Variants in FANCL observed in about 807,000 individuals in gnomAD.
The protein encoded by FANCL is E3 ubiquitin-protein ligase FANCL.
Under a neutral mutation model 59.4 loss-of-function variants are expected in FANCL, and 69 were observed. That is an observed-to-expected ratio of 1.16 (90% CI 0.96 to 1.42). FANCL has a LOEUF of 1.42. FANCL is among the 40% of genes most tolerant of loss of function. The probability of loss-of-function intolerance (pLI) is 0.00; values close to 1 mark genes in which losing one functional copy is unlikely to be tolerated. For missense variants in FANCL, 519 were observed against 447.2 expected (o/e 1.16, Z -1.45); for synonymous variants, 180 against 147.1 (o/e 1.22, Z -1.62).
chr2:58,220,935 G>A (rs573066415), intron 5 of FANCL, among the ~76,000 whole-genome samples: 9 of 152,220 alleles, frequency 5.9e-5, no homozygotes, highest in South Asian at 2.1e-4. Context: ...AAGAATTGCC[G>A]GGCGTGGTGG....
rs1439301685 is a variant in FANCL, at chr2:58,222,061, C to G, written c.274-19G>C. The G allele has an allele frequency of 1.3e-6, 2 of 1,556,840 alleles. No individual in the cohort carries two copies. The highest frequency in any genetic ancestry group is 2.7e-5 in the African/African-American group (2 of 73,842). On this transcript the variant is annotated intron_variant, in intron 4 of 13. Coordinates refer to ENST00000233741, the MANE Select transcript of FANCL (RefSeq NM_018062.4). ...CAACTTCCTGTTTAAAAGAAGAAAA[C>G]CTGAATTAGCTGTGGAACGCAAGAC...
chr2:58,234,528 A>G (rs954976426), intron 1 of FANCL, among the ~76,000 whole-genome samples: 10 of 152,052 alleles, frequency 6.6e-5, no homozygotes, highest in African/African-American at 2.4e-4. Flanking sequence ...AAAAAAGTCC[A>G]GAGTACATAT....
chr2:58,164,629 A>C (rs1266272760), intron 8 of FANCL, among the ~76,000 whole-genome samples: 1 of 152,066 alleles, frequency 6.6e-6, no homozygotes, highest in Non-Finnish European at 1.5e-5. Flanking sequence ...AATGAATTAA[A>C]AACTAGACTA....
At chr2:58,206,743 G>A (rs934678553) in intron 5 of FANCL, among the ~76,000 whole-genome samples, 9 of 152,130 alleles carry the variant, frequency 5.9e-5, no homozygotes, top group Admixed American at 6.5e-5. Flanking sequence ...ATGGCCATGA[G>A]GTTGATTTTG....
At chr2:58,204,574 A>T (rs3821211) in intron 5 of FANCL, among the ~76,000 whole-genome samples, 6,048 of 152,124 alleles carry the variant, frequency 0.04, 162 homozygotes, top group Middle Eastern at 0.065. Context: ...ACTTCCTGTC[A>T]AACTCTTTGA....
intron 5 of FANCL, among the ~76,000 whole-genome samples, chr2:58,221,325 A>C (rs1692457413): frequency 6.6e-6 from 1 of 152,252 alleles, no homozygotes; most frequent in South Asian, 2.1e-4. Context: ...CTAAATTCAG[A>C]AACTGAATAG....
intron 5 of FANCL, among the ~76,000 whole-genome samples, chr2:58,207,347 G>A (rs974752546): frequency 3.9e-5 from 6 of 152,196 alleles, no homozygotes; most frequent in African/African-American, 1.4e-4. Context: ...CACCAGCCAC[G>A]TGTCTATGAG....
intron 7 of FANCL, among the ~76,000 whole-genome samples, chr2:58,180,280 T>C (rs112606329): frequency 1.2e-4 from 18 of 152,300 alleles, no homozygotes; most frequent in African/African-American, 4.3e-4. Flanking sequence ...CATATGTTTA[T>C]TCCAGCATTA....
chr2:58,229,866 C>T lies in FANCL; in HGVS notation c.164G>A (p.Cys55Tyr). The change falls in exon 3 of 14, where the codon TGT becomes TAT. Residue 55 changes from cysteine to tyrosine, a missense_variant. Coordinates refer to ENST00000233741, the MANE Select transcript of FANCL (RefSeq NM_018062.4). ...DLQLKNARLLCSWQLRTILSG... is the reference protein window; with the variant it reads ...DLQLKNARLLYSWQLRTILSG... ...AAGTATTGTTCTCAGCTGCCAACTACATAATAATCTAAAATTTTAATGAGA... is the reference window on the plus strand; with the variant it reads ...AAGTATTGTTCTCAGCTGCCAACTATATAATAATCTAAAATTTTAATGAGA... 1 of 1,608,650 alleles carries T rather than the reference C, an allele frequency of 6.2e-7. No homozygotes were observed. Among genetic ancestry groups the T allele is most frequent in the South Asian group, 1.1e-5 (1 of 90,958 alleles).
chr2:58,217,158 T>G (rs1316704766), intron 5 of FANCL, among the ~76,000 whole-genome samples: 1 of 76,880 alleles, frequency 1.3e-5, no homozygotes. Flanking sequence ...TATATATATT[T>G]ATATATTTTA....
chr2:58,172,130 A>G (rs1192155446), intron 7 of FANCL, among the ~76,000 whole-genome samples: 1 of 152,340 alleles, frequency 6.6e-6, no homozygotes, highest in African/African-American at 2.4e-5. Context: ...CCACAGCTCA[A>G]AGAGGCCTGC....
At chr2:58,166,213 T>C (rs549931661) in intron 7 of FANCL, among the ~76,000 whole-genome samples, 1 of 152,188 alleles carries the variant, frequency 6.6e-6, no homozygotes, top group African/African-American at 2.4e-5. Context: ...GTACATGATA[T>C]AGCTAACATT....
intron 7 of FANCL, among the ~76,000 whole-genome samples, chr2:58,170,343 T>A (rs929570704): frequency 1.3e-5 from 2 of 152,166 alleles, no homozygotes; most frequent in African/African-American, 2.4e-5. Context: ...TCCTGATAGA[T>A]CTTGTCACCA....
At chr2:58,226,610 T>G in intron 4 of FANCL, 118 bp downstream of exon 4, 1 of 771,354 alleles carries the variant, frequency 1.3e-6, no homozygotes, top group Non-Finnish European at 2.2e-6. Context: ...AAAGAAAACA[T>G]CAAATGACTG....
chr2:58,167,598 C>G (rs1386161779), intron 7 of FANCL, among the ~76,000 whole-genome samples: 1 of 152,110 alleles, frequency 6.6e-6, no homozygotes, highest in Non-Finnish European at 1.5e-5. Context: ...CAAATAAAAT[C>G]CTAATTGCAT....
Position 58,238,597 on chromosome 2 carries a change from G to A in FANCL, c.96+2621C>T, listed in dbSNP as rs576069231. The stretch of plus-strand genomic sequence containing the variant: ...ACCAAAGCTCACTCAAAAGGAAAGA[G>A]AAAATCTGATAATAGAGACAACACC... On this transcript the variant is annotated intron_variant, in intron 1 of 13. Coordinates refer to ENST00000233741, the MANE Select transcript of FANCL (RefSeq NM_018062.4). Among the ~76,000 whole-genome samples, 15 of 152,232 alleles carry A rather than the reference G, an allele frequency of 9.9e-5. No individual in the cohort carries two copies. The South Asian group carries it at 3.1e-3, about 32-fold the overall frequency.
Position 58,165,817 on chromosome 2 carries a change from A to T in FANCL, c.598T>A (p.Phe200Ile), listed in dbSNP as rs199660431. Residue 200 changes from phenylalanine (F) to isoleucine (I), a missense_variant, in exon 8 of 14, where the codon TTC becomes ATC. Transcript: ENST00000233741. Reference sequence around the variant, plus strand: ...TCGATTTCATCCATAACATCCCAGAATGCCTTTAGTGATTCTATTGCTGCC... The same window carrying T: ...TCGATTTCATCCATAACATCCCAGATTGCCTTTAGTGATTCTATTGCTGCC... ...FLAAIESLKA[F>I]WDVMDEIDEK... 10 of 1,614,026 alleles carry T rather than the reference A, an allele frequency of 6.2e-6. No individual in the cohort carries two copies. Among genetic ancestry groups the T allele is most frequent in the Non-Finnish European group, 8.5e-6 (10 of 1,180,000 alleles).
At chr2:58,214,797 GC>G (rs1454766038) in intron 5 of FANCL, among the ~76,000 whole-genome samples, 3 of 152,066 alleles carry the variant, frequency 2.0e-5, no homozygotes, top group African/African-American at 7.2e-5. Flanking sequence ...ACAGGTGTGA[GC>G]CACCACACCT....
intron 5 of FANCL, among the ~76,000 whole-genome samples, chr2:58,217,215 T>TACACAC (rs368257506): frequency 4.8e-5 from 1 of 20,862 alleles, no homozygotes; most frequent in Non-Finnish European, 8.6e-5. Context: ...TATATATATA[T>TACACAC]ACACACACAC....
Sources: gnomAD v4.1 joint callset for allele counts (sites outside exome capture counted in the v4.1 genomes callset) on GRCh38, gnomAD v4.1.1 for gene constraint, MANE v1.5 for transcripts, NCBI Gene and HGNC (gene_info 2026-07-23, HGNC 2026-07-21) for gene names.